FBXO40: variants seen among roughly 807,000 people sequenced by gnomAD.
The protein encoded by FBXO40 is F-box protein 40.
Under a neutral mutation model 49.9 loss-of-function variants are expected in FBXO40, and 50 were observed. The ratio of observed to expected loss-of-function variants is 1.00; its 90% confidence interval spans 0.80 to 1.27. The LOEUF (loss-of-function observed/expected upper bound fraction) is 1.27. Ranked by LOEUF, FBXO40 falls within the 50% of genes most tolerant of loss-of-function variation. The pLI is 0.00. For missense variants in FBXO40, 895 were observed against 870.1 expected (o/e 1.03, Z -0.36); for synonymous variants, 340 against 320.2 (o/e 1.06, Z -0.66).
intron 1 of FBXO40, among the ~76,000 whole-genome samples, chr3:121,599,746 G>A (rs1292321764): frequency 3.0e-5 from 4 of 133,738 alleles, no homozygotes; most frequent in Admixed American, 8.0e-5. Flanking sequence ...TTTTGGAGAC[G>A]GAGTCTCACT....
At chr3:121,611,523 A>G (rs775198471) in intron 1 of FBXO40, among the ~76,000 whole-genome samples, 1 of 152,142 alleles carries the variant, frequency 6.6e-6, no homozygotes, top group Non-Finnish European at 1.5e-5. Flanking sequence ...GACTCCCACC[A>G]TAGGGTGGTT....
At chr3:121,618,492 T>A (rs2049011206) in intron 1 of FBXO40, among the ~76,000 whole-genome samples, 2 of 147,628 alleles carry the variant, frequency 1.4e-5, no homozygotes, top group Admixed American at 1.4e-4. Flanking sequence ...GTTAAAACAA[T>A]TCTCCTGCCT....
rs780137251 is a variant in FBXO40, at chr3:121,626,857, G to A, written c.2077G>A (p.Glu693Lys). Residue 693 changes from glutamate (E) to lysine (K), a missense_variant, in exon 4 of 4, where the codon GAG becomes AAG. By Grantham distance (56) the Glu-to-Lys change is moderately conservative. Transcript: ENST00000338040. ...GTGTCAGCCCCGTGAGCAGGCCCGA[G>A]AGAGCTTAGTCTCCACCTTTAGAAT... The part of the protein sequence containing the change: ...SMCQPREQAR[E>K]SLVSTFRIRP... 6.2e-7 allele frequency: 1 copy of A among 1,614,110 alleles called. No homozygotes were observed. The highest frequency in any genetic ancestry group is 1.7e-5 in the Admixed American group (1 of 60,012).
At position 121,622,844 on chromosome 3, in the gene FBXO40, G is replaced by A. The variant is rs1396164274; in HGVS notation, c.1415G>A (p.Ser472Asn). 8 of 1,614,098 alleles carry A rather than the reference G, an allele frequency of 5.0e-6. No individual in the cohort carries two copies. In the East Asian group the frequency reaches 6.7e-5, roughly 13 times the overall value. The change falls in exon 3 of 4, where the codon AGC becomes AAC. Residue 472 changes from serine to asparagine, a missense_variant. By Grantham distance (46) the Ser-to-Asn change is conservative. Coordinates refer to ENST00000338040, the MANE Select transcript of FBXO40 (RefSeq NM_016298.4). ...ECVTRRHNKS[S>N]SAFTFTCNKF... ...GTGACCAGGAGACACAACAAAAGCAGCTCTGCCTTCACTTTCACTTGCAAC... is the reference window on the plus strand; with the variant it reads ...GTGACCAGGAGACACAACAAAAGCAACTCTGCCTTCACTTTCACTTGCAAC...
intron 1 of FBXO40, among the ~76,000 whole-genome samples, chr3:121,603,882 C>T (rs2048917140): frequency 6.6e-6 from 1 of 152,140 alleles, no homozygotes; most frequent in Admixed American, 6.5e-5. Context: ...CCACACCCAG[C>T]TAATTTTTTG....
intron 2 of FBXO40, among the ~76,000 whole-genome samples, chr3:121,620,780 C>T (rs1295662182): frequency 6.6e-6 from 1 of 152,114 alleles, no homozygotes; most frequent in Admixed American, 6.5e-5. Context: ...GATTTTTGAG[C>T]AAAGAGTTTA....
chr3:121,611,088 A>G (rs1043054644), intron 1 of FBXO40, among the ~76,000 whole-genome samples: 1 of 152,188 alleles, frequency 6.6e-6, no homozygotes, highest in African/African-American at 2.4e-5. Flanking sequence ...AAATCTTGCC[A>G]GGTTAAATCA....
intron 3 of FBXO40, 129 bp downstream of exon 3, chr3:121,623,472 C>G (rs2049045635): frequency 1.4e-6 from 1 of 718,246 alleles, no homozygotes; most frequent in Admixed American, 2.9e-5. Flanking sequence ...CTTCTGGGCT[C>G]AAGTGATCCT....
At chr3:121,598,402 G>T (rs1398437108) in intron 1 of FBXO40, among the ~76,000 whole-genome samples, 1 of 152,196 alleles carries the variant, frequency 6.6e-6, no homozygotes, top group African/African-American at 2.4e-5. Flanking sequence ...CCTTCTGCTG[G>T]TAAATATTGC....
At position 121,621,735 on chromosome 3, in the gene FBXO40, G is replaced by A. The variant is rs915181976; in HGVS notation, c.306G>A (p.Trp102Ter). 2.5e-6 allele frequency: 4 copies of A among 1,614,230 alleles called. No homozygotes were observed. The highest frequency in any genetic ancestry group is 2.5e-6 in the Non-Finnish European group (3 of 1,180,034). ...VVCCSMEWNRWPNVDSETTLH... is the reference protein window; with the variant it reads ...VVCCSMEWNR ...GCTGCTCCATGGAGTGGAACCGCTG[G>A]CCAAATGTGGACTCTGAAACCACCC... Residue 102 changes from tryptophan to a stop codon, truncating the protein, a stop_gained, in exon 3 of 4, where the codon TGG becomes TGA. Coordinates refer to ENST00000338040, the MANE Select transcript of FBXO40 (RefSeq NM_016298.4). LOFTEE classifies it high-confidence loss of function.
At chr3:121,618,424 T>C (rs1350665913) in intron 1 of FBXO40, among the ~76,000 whole-genome samples, 1 of 148,292 alleles carries the variant, frequency 6.7e-6, no homozygotes, top group Non-Finnish European at 1.5e-5. Flanking sequence ...TTTCACTCTG[T>C]CACCCAGGCT....
At chr3:121,596,760 T>C (rs912587816) in intron 1 of FBXO40, among the ~76,000 whole-genome samples, 2 of 152,166 alleles carry the variant, frequency 1.3e-5, no homozygotes, top group African/African-American at 4.8e-5. Flanking sequence ...GTTGAAATGA[T>C]TTCCTTTTCA....
intron 1 of FBXO40, among the ~76,000 whole-genome samples, chr3:121,607,447 C>G (rs1361664329): frequency 6.6e-6 from 1 of 150,700 alleles, no homozygotes; most frequent in Non-Finnish European, 1.5e-5. Context: ...GTAGCTGAGA[C>G]TACAGGCGCC....
intron 1 of FBXO40, among the ~76,000 whole-genome samples, chr3:121,604,426 A>C (rs2048920170): frequency 1.3e-5 from 2 of 152,182 alleles, no homozygotes; most frequent in African/African-American, 4.8e-5. Flanking sequence ...TCCATGCAAA[A>C]CATGCAGCAA....
At chr3:121,612,530 C>A (rs2048971694) in intron 1 of FBXO40, among the ~76,000 whole-genome samples, 1 of 152,190 alleles carries the variant, frequency 6.6e-6, no homozygotes, top group Non-Finnish European at 1.5e-5. Context: ...GAGGCACTTG[C>A]ATAAGTGGTC....
chr3:121,612,276 G>A (rs1039360822), intron 1 of FBXO40, among the ~76,000 whole-genome samples: 2 of 152,180 alleles, frequency 1.3e-5, no homozygotes, highest in African/African-American at 2.4e-5. Flanking sequence ...CAACTTCGAC[G>A]GCTGGTAAGA....
At chr3:121,607,318 T>C (rs1296791853) in intron 1 of FBXO40, among the ~76,000 whole-genome samples, 1 of 134,316 alleles carries the variant, frequency 7.4e-6, no homozygotes, top group Admixed American at 7.2e-5. Context: ...TTTTTTTTTT[T>C]TTTTTTTGTG....
intron 3 of FBXO40, among the ~76,000 whole-genome samples, chr3:121,624,078 C>T (rs545717872): frequency 2.7e-4 from 40 of 148,468 alleles, no homozygotes; most frequent in African/African-American, 9.2e-4. Context: ...GCAACCTCTG[C>T]CTCCCAGGTT....
In FBXO40 at chr3:121,620,384, C is replaced by T. The variant is rs532484508; in HGVS notation, c.-30-162C>T. On this transcript the variant is annotated intron_variant, in intron 1 of 3. Coordinates refer to ENST00000338040, the MANE Select transcript of FBXO40 (RefSeq NM_016298.4). ...GTGTGACCTTGGACAAGTTACTTAC[C>T]TTCAAGCTTCTGTTTCCTTGACTCA... Among the ~76,000 whole-genome samples, 3 of 152,348 alleles carry T rather than the reference C, an allele frequency of 2.0e-5. No individual in the cohort carries two copies. The South Asian group carries it at 6.2e-4, about 32-fold the overall frequency.
Sources: allele counts gnomAD v4.1 joint callset (sites outside exome capture counted in the v4.1 genomes callset), GRCh38; gene constraint gnomAD v4.1.1; transcripts MANE v1.5; gene names NCBI Gene and HGNC (gene_info 2026-07-23, HGNC 2026-07-21).